The following MIR2052HG variants were observed in gnomAD, a reference collection of about 807,000 sequenced individuals.
MIR2052HG encodes MIR2052 host gene.
At chr8:74,757,878 G>C (rs1810021762) in intron 5 of MIR2052HG, 1 of 151,926 alleles carries the variant, frequency 6.6e-6, no homozygotes, top group African/African-American at 2.4e-5. Flanking sequence ...GATTATTGCT[G>C]TTTTCCAAAA....
intron 4 of MIR2052HG, among the ~76,000 whole-genome samples, chr8:74,733,113 G>T (rs893214318): frequency 1.3e-5 from 2 of 150,776 alleles, no homozygotes; most frequent in Non-Finnish European, 3.0e-5. Context: ...TAAGATTTAG[G>T]GTACATGTGC....
intron 4 of MIR2052HG, among the ~76,000 whole-genome samples, chr8:74,744,257 TA>T (rs1349694703): frequency 1.3e-5 from 2 of 151,306 alleles, no homozygotes; most frequent in African/African-American, 2.4e-5. Flanking sequence ...TTTTTATTTT[TA>T]TTTTTTTATT....
intron 2 of MIR2052HG, among the ~76,000 whole-genome samples, chr8:74,651,183 C>G (rs1340337495): frequency 6.6e-6 from 1 of 151,198 alleles, no homozygotes; most frequent in Non-Finnish European, 1.5e-5. Flanking sequence ...CATAAGGCCA[C>G]CATAGCCGTT....
At chr8:74,666,101 A>C (rs955925796) in intron 2 of MIR2052HG, among the ~76,000 whole-genome samples, 1 of 152,094 alleles carries the variant, frequency 6.6e-6, no homozygotes, top group Non-Finnish European at 1.5e-5. Context: ...GTAACTTCTA[A>C]ATTCATACAA....
intron 2 of MIR2052HG, among the ~76,000 whole-genome samples, chr8:74,680,817 T>A (rs1809115514): frequency 6.6e-6 from 1 of 151,490 alleles, no homozygotes; most frequent in South Asian, 2.1e-4. Flanking sequence ...CCAACCCAAA[T>A]GTCCAACAAT....
chr8:74,745,161 G>T (rs1241542064), intron 4 of MIR2052HG, among the ~76,000 whole-genome samples: 2 of 151,968 alleles, frequency 1.3e-5, no homozygotes, highest in Admixed American at 6.6e-5. Context: ...TCAGCTATAG[G>T]CTGAGGTGGG....
chr8:74,736,067 G>A (rs867576629), intron 4 of MIR2052HG, among the ~76,000 whole-genome samples: 7 of 152,172 alleles, frequency 4.6e-5, no homozygotes, highest in Middle Eastern at 3.2e-3. Context: ...AAAAATGTGT[G>A]TTAGAGGGAA....
At position 74,646,966 on chromosome 8, in the gene MIR2052HG, G is replaced by T. The variant is rs147478977; in HGVS notation, n.216+34026G>T. On this transcript the variant is annotated intron_variant and non_coding_transcript_variant, in intron 2 of 6. Transcript: ENST00000523442. ...AATAAATAAATATTATCAATAAATA[G>T]ATCATAATCAAATCATATAAATCAA... Among the ~76,000 whole-genome samples the T allele has an allele frequency of 1.7e-4, 26 of 149,318 alleles. 1 individual carries two copies. The highest frequency in any genetic ancestry group is 6.1e-4 in the African/African-American group (25 of 41,312).
intron 2 of MIR2052HG, among the ~76,000 whole-genome samples, chr8:74,646,053 A>G (rs1024815101): frequency 1.1e-4 from 16 of 152,200 alleles, no homozygotes; most frequent in African/African-American, 3.1e-4. Flanking sequence ...ATCACTGGGG[A>G]TACAAAAGCT....
intron 2 of MIR2052HG, among the ~76,000 whole-genome samples, chr8:74,656,042 G>T (rs185750430): frequency 2.0e-5 from 3 of 152,076 alleles, no homozygotes; most frequent in Non-Finnish European, 4.4e-5. Context: ...TTGAACTTGC[G>T]TGGGCCCTGT....
chr8:74,702,614 T>G (rs1010317194), intron 3 of MIR2052HG, among the ~76,000 whole-genome samples: 8 of 151,978 alleles, frequency 5.3e-5, no homozygotes, highest in African/African-American at 1.9e-4. Flanking sequence ...AAAGGGAAGA[T>G]TTCACCCCAA....
chr8:74,729,406 T>C (rs1290414751), intron 4 of MIR2052HG, among the ~76,000 whole-genome samples: 1 of 152,154 alleles, frequency 6.6e-6, no homozygotes, highest in East Asian at 1.9e-4. Context: ...AATAAATACA[T>C]AACACACTGC....
At chr8:74,668,250 AC>A (rs554537930) in intron 2 of MIR2052HG, among the ~76,000 whole-genome samples, 55 of 152,166 alleles carry the variant, frequency 3.6e-4, no homozygotes, top group South Asian at 1.7e-3. Context: ...CAAAAAAAAA[AC>A]AATAAGCCTA....
chr8:74,663,713 T>C (rs774170511), intron 2 of MIR2052HG, among the ~76,000 whole-genome samples: 1 of 152,238 alleles, frequency 6.6e-6, no homozygotes, highest in African/African-American at 2.4e-5. Context: ...AACTTGATCT[T>C]ATCTAATGTA....
At chr8:74,602,034 T>G (rs1808007635) in intron 1 of MIR2052HG, among the ~76,000 whole-genome samples, 1 of 152,084 alleles carries the variant, frequency 6.6e-6, no homozygotes, top group Admixed American at 6.6e-5. Context: ...CTGAATAGGG[T>G]CTGGGTAAAA....
chr8:74,756,104 T>C (rs1809997687), intron 5 of MIR2052HG, among the ~76,000 whole-genome samples: 1 of 152,180 alleles, frequency 6.6e-6, no homozygotes, highest in Non-Finnish European at 1.5e-5. Flanking sequence ...AGTTCAATAA[T>C]TTGCTAGAAT....
At chr8:74,680,744 T>C (rs1289723932) in intron 2 of MIR2052HG, among the ~76,000 whole-genome samples, 1 of 152,056 alleles carries the variant, frequency 6.6e-6, no homozygotes, top group Non-Finnish European at 1.5e-5. Context: ...AATCATGCTG[T>C]TATACAGACA....
intron 4 of MIR2052HG, among the ~76,000 whole-genome samples, chr8:74,726,607 G>A (rs1418010586): frequency 6.6e-6 from 1 of 152,194 alleles, no homozygotes; most frequent in Non-Finnish European, 1.5e-5. Context: ...AACTTGTGTT[G>A]TTATACAGAA....
At position 74,709,564 on chromosome 8, in the gene MIR2052HG, A is replaced by G. The variant is rs570224496; in HGVS notation, n.371+5882A>G. Among the ~76,000 whole-genome samples, 11 of 152,200 alleles carry G rather than the reference A, an allele frequency of 7.2e-5. No homozygotes were observed. In the East Asian group the frequency reaches 2.1e-3, roughly 29 times the overall value. Reference sequence around the variant, plus strand: ...TTTTTTTCAAAAGCATGGACAGCTAAGAGTTGATTTCTTCATTGGGGCAAT... The same window carrying G: ...TTTTTTTCAAAAGCATGGACAGCTAGGAGTTGATTTCTTCATTGGGGCAAT... On this transcript the variant is annotated intron_variant and non_coding_transcript_variant, in intron 4 of 6. Coordinates refer to ENST00000523442, the Ensembl canonical transcript of MIR2052HG.
Sources: allele counts gnomAD v4.1 joint callset (sites outside exome capture counted in the v4.1 genomes callset), GRCh38; gene constraint gnomAD v4.1.1; transcripts MANE v1.5; gene names NCBI Gene and HGNC (gene_info 2026-07-23, HGNC 2026-07-21).